RALYL: variants seen among roughly 807,000 people sequenced by gnomAD.
RALYL encodes the protein RNA-binding Raly-like protein.
RALYL carries 29 observed loss-of-function variants against 35.1 expected under a neutral mutation model. The observed-to-expected ratio is 0.83, with a 90% confidence interval of 0.61 to 1.13. The LOEUF is 1.13. Among genes scored for constraint, RALYL ranks in the 50% most tolerant of loss-of-function variants. RALYL has a pLI of 0.00. For missense variants in RALYL, 359 were observed against 360.4 expected (o/e 1.00, Z 0.03); for synonymous variants, 120 against 127.6 (o/e 0.94, Z 0.40).
Position 84,864,339 on chromosome 8 carries a change from A to G in RALYL, c.571+1886A>G, listed in dbSNP as rs1838726766. ...TTTTTAGCAGCAATCATTCTTTGGA[A>G]CTGTGTATCCTAGAGTATCTCTGTT... On this transcript the variant is annotated intron_variant, in intron 6 of 8. Transcript: ENST00000521268. Among the ~76,000 whole-genome samples the G allele has an allele frequency of 2.0e-5, 3 of 152,146 alleles. No individual in the cohort carries two copies. The South Asian group carries it at 6.2e-4, about 31-fold the overall frequency.
intron 1 of RALYL, among the ~76,000 whole-genome samples, chr8:84,514,106 A>G (rs1324623820): frequency 7.0e-6 from 1 of 143,274 alleles, no homozygotes; most frequent in Non-Finnish European, 1.5e-5. Flanking sequence ...AAAAAAAAAA[A>G]AAAAAAAAAG....
intron 1 of RALYL, among the ~76,000 whole-genome samples, chr8:84,273,864 A>G (rs1299374892): frequency 6.6e-6 from 1 of 152,208 alleles, no homozygotes; most frequent in Non-Finnish European, 1.5e-5. Context: ...AGCATTAAGA[A>G]TCATGCTCCC....
At chr8:84,472,280 T>A (rs2052866365) in intron 1 of RALYL, among the ~76,000 whole-genome samples, 1 of 152,080 alleles carries the variant, frequency 6.6e-6, no homozygotes, top group Non-Finnish European at 1.5e-5. Context: ...ATTTCCTCTT[T>A]TAAGGGAGAT....
chr8:84,559,337 T>A (rs1403371668), intron 2 of RALYL, among the ~76,000 whole-genome samples: 1 of 152,074 alleles, frequency 6.6e-6, no homozygotes, highest in East Asian at 1.9e-4. Flanking sequence ...GCAATTGTCT[T>A]AGAAGCAATT....
chr8:84,365,065 T>C (rs1399555367), intron 1 of RALYL, among the ~76,000 whole-genome samples: 1 of 152,174 alleles, frequency 6.6e-6, no homozygotes, highest in Admixed American at 6.6e-5. Flanking sequence ...TGGTACATGG[T>C]TGGTTCTTTG....
intron 1 of RALYL, among the ~76,000 whole-genome samples, chr8:84,288,777 C>A (rs2132189392): frequency 6.6e-6 from 1 of 152,128 alleles, no homozygotes; most frequent in African/African-American, 2.4e-5. Context: ...ATTTGCTTTA[C>A]AATATTTATA....
At chr8:84,499,916 G>A (rs960667159) in intron 1 of RALYL, among the ~76,000 whole-genome samples, 1 of 152,028 alleles carries the variant, frequency 6.6e-6, no homozygotes, top group Admixed American at 6.6e-5. Flanking sequence ...CACCATGCCC[G>A]ACCAATTTTC....
intron 2 of RALYL, among the ~76,000 whole-genome samples, chr8:84,582,422 G>A (rs980050463): frequency 9.2e-5 from 14 of 151,796 alleles, no homozygotes; most frequent in Admixed American, 5.9e-4. Flanking sequence ...TATTGGAAAC[G>A]CTCTATCAGG....
intron 1 of RALYL, among the ~76,000 whole-genome samples, chr8:84,275,495 T>A (rs116766524): frequency 0.013 from 1,896 of 151,376 alleles, 56 homozygotes; most frequent in African/African-American, 0.043. Context: ...ATATATATAT[T>A]ATGAAATGGC....
At chr8:84,448,588 C>T (rs1034809897) in intron 1 of RALYL, among the ~76,000 whole-genome samples, 1 of 151,972 alleles carries the variant, frequency 6.6e-6, no homozygotes, top group Non-Finnish European at 1.5e-5. Flanking sequence ...CACGCTTTTT[C>T]TTCAGTAAGT....
chr8:84,441,596 T>C (rs192460787), intron 1 of RALYL, among the ~76,000 whole-genome samples: 1 of 152,254 alleles, frequency 6.6e-6, no homozygotes, highest in African/African-American at 2.4e-5. Context: ...TGAACGATCA[T>C]GTATTTACAT....
intron 2 of RALYL, among the ~76,000 whole-genome samples, chr8:84,753,179 A>G (rs1292743052): frequency 6.6e-6 from 1 of 152,124 alleles, no homozygotes; most frequent in African/African-American, 2.4e-5. Context: ...AGATTAATGA[A>G]TTCCCTGCTG....
intron 2 of RALYL, among the ~76,000 whole-genome samples, chr8:84,734,171 G>A (rs1846783202): frequency 6.6e-6 from 1 of 152,102 alleles, no homozygotes; most frequent in Non-Finnish European, 1.5e-5. Context: ...GTTTACTGCT[G>A]AATAGCTTTC....
At chr8:84,368,574 C>T (rs2131381068) in intron 1 of RALYL, among the ~76,000 whole-genome samples, 1 of 152,240 alleles carries the variant, frequency 6.6e-6, no homozygotes, top group Non-Finnish European at 1.5e-5. Context: ...GCTGGGGAGG[C>T]CTCACAATCA....
intron 1 of RALYL, among the ~76,000 whole-genome samples, chr8:84,463,174 A>T (rs973352497): frequency 6.6e-6 from 1 of 151,886 alleles, no homozygotes; most frequent in African/African-American, 2.4e-5. Context: ...ATATACTTGT[A>T]TCTGGGTGTA....
chr8:84,774,635 C>T lies in RALYL; in HGVS notation c.313C>T (p.Pro105Ser). Reference protein sequence around the residue: ...PYRPKPGNKRPLSALYRLESK... With the variant: ...PYRPKPGNKRSLSALYRLESK... ...CAGACCAAAACCTGGAAACAAGAGGCCCCTTTCTGCACTTTACAGGTAAGT... is the reference window on the plus strand; with the variant it reads ...CAGACCAAAACCTGGAAACAAGAGGTCCCTTTCTGCACTTTACAGGTAAGT... The change falls in exon 3 of 9, where the codon CCC becomes TCC. Residue 105 changes from proline to serine, a missense_variant. By Grantham distance (74) the Pro-to-Ser change is moderately conservative. Coordinates refer to ENST00000521268, the MANE Select transcript of RALYL (RefSeq NM_173848.7). The T allele has an allele frequency of 1.2e-6, 2 of 1,608,384 alleles. No individual in the cohort carries two copies. Among genetic ancestry groups the T allele is most frequent in the Non-Finnish European group, 1.7e-6 (2 of 1,176,762 alleles).
At chr8:84,650,225 A>C (rs1284548938) in intron 2 of RALYL, among the ~76,000 whole-genome samples, 6 of 152,066 alleles carry the variant, frequency 3.9e-5, no homozygotes, top group Admixed American at 2.6e-4. Context: ...TGTCATCTGC[A>C]AACAGGGACA....
At chr8:84,664,837 C>G (rs941807608) in intron 2 of RALYL, among the ~76,000 whole-genome samples, 2 of 152,058 alleles carry the variant, frequency 1.3e-5, no homozygotes, top group Non-Finnish European at 2.9e-5. Context: ...CGCCTGATTC[C>G]CCTGGCCAGA....
At chr8:84,592,532 C>T (rs1326299586) in intron 2 of RALYL, among the ~76,000 whole-genome samples, 3 of 152,074 alleles carry the variant, frequency 2.0e-5, no homozygotes, top group African/African-American at 7.2e-5. Flanking sequence ...TAATTTTAAT[C>T]TCACCAAATC....
Sources: gnomAD v4.1 joint callset for allele counts (sites outside exome capture counted in the v4.1 genomes callset) on GRCh38, gnomAD v4.1.1 for gene constraint, MANE v1.5 for transcripts, NCBI Gene and HGNC (gene_info 2026-07-23, HGNC 2026-07-21) for gene names.